NXPH1: variants seen among roughly 807,000 people sequenced by gnomAD.
NXPH1 encodes neurexophilin 1.
NXPH1 carries 5 observed loss-of-function variants against 23.7 expected under a neutral mutation model. That is an observed-to-expected ratio of 0.21 (90% CI 0.11 to 0.44). The LOEUF (loss-of-function observed/expected upper bound fraction) is 0.44. Ranked by LOEUF, NXPH1 falls within the 20% of genes least tolerant of loss-of-function variation. The pLI is 0.99. For synonymous variants in NXPH1, 144 were observed against 122.2 expected (o/e 1.18, Z -1.18); for missense variants, 324 against 321.6 (o/e 1.01, Z -0.06).
At chr7:8,549,258 G>T (rs1818242001) in intron 2 of NXPH1, among the ~76,000 whole-genome samples, 1 of 151,444 alleles carries the variant, frequency 6.6e-6, no homozygotes, top group Non-Finnish European at 1.5e-5. Context: ...AACAGGTAAT[G>T]CAATTCTCCA....
intron 2 of NXPH1, among the ~76,000 whole-genome samples, chr7:8,535,625 A>G (rs1818015090): frequency 6.6e-6 from 1 of 152,002 alleles, no homozygotes. Flanking sequence ...GAAAGATAGA[A>G]AATAAAAAAT....
chr7:8,496,241 C>T (rs1240780445), intron 2 of NXPH1, among the ~76,000 whole-genome samples: 2 of 151,950 alleles, frequency 1.3e-5, no homozygotes, highest in African/African-American at 4.8e-5. Context: ...CACACAAGAC[C>T]CCTTCACCAA....
intron 2 of NXPH1, among the ~76,000 whole-genome samples, chr7:8,744,965 C>G (rs1007436428): frequency 1.3e-5 from 2 of 152,138 alleles, no homozygotes; most frequent in Admixed American, 6.5e-5. Context: ...ATTAAACCAC[C>G]CTTTAATATC....
At chr7:8,539,663 G>T (rs1818081375) in intron 2 of NXPH1, among the ~76,000 whole-genome samples, 1 of 151,764 alleles carries the variant, frequency 6.6e-6, no homozygotes, top group Non-Finnish European at 1.5e-5. Flanking sequence ...TATTGTTAAT[G>T]CTGGAAATAA....
At chr7:8,656,688 C>A (rs2115157851) in intron 2 of NXPH1, among the ~76,000 whole-genome samples, 1 of 151,498 alleles carries the variant, frequency 6.6e-6, no homozygotes, top group Middle Eastern at 3.4e-3. Flanking sequence ...TGCTATCCCT[C>A]CCCGCTCCCC....
intron 2 of NXPH1, among the ~76,000 whole-genome samples, chr7:8,448,184 G>A (rs971407892): frequency 1.3e-5 from 2 of 152,204 alleles, no homozygotes; most frequent in Non-Finnish European, 2.9e-5. Flanking sequence ...CTTGAAAAAT[G>A]GGGCTGACAA....
At chr7:8,519,197 G>A (rs894129991) in intron 2 of NXPH1, among the ~76,000 whole-genome samples, 2 of 151,942 alleles carry the variant, frequency 1.3e-5, no homozygotes, top group African/African-American at 4.8e-5. Context: ...TACTCTATAA[G>A]GGAAGATTTC....
chr7:8,649,340 T>C (rs191991699), intron 2 of NXPH1, among the ~76,000 whole-genome samples: 6 of 152,222 alleles, frequency 3.9e-5, no homozygotes, highest in Admixed American at 3.3e-4. Flanking sequence ...GTATTCAATG[T>C]TTATTTTGTT....
intron 2 of NXPH1, among the ~76,000 whole-genome samples, chr7:8,476,637 CT>C (rs1320368182): frequency 2.6e-5 from 4 of 151,940 alleles, no homozygotes; most frequent in African/African-American, 9.7e-5. Flanking sequence ...AAATGCAATG[CT>C]ATACATTATT....
intron 2 of NXPH1, among the ~76,000 whole-genome samples, chr7:8,457,542 G>GTT (rs34212357): frequency 0.099 from 14,412 of 145,626 alleles, 2,098 homozygotes; most frequent in African/African-American, 0.32. Context: ...CTAATTCTTA[G>GTT]TTTTTTTTTT....
chr7:8,533,484 T>C (rs1198179529), intron 2 of NXPH1, among the ~76,000 whole-genome samples: 1 of 152,108 alleles, frequency 6.6e-6, no homozygotes, highest in Non-Finnish European at 1.5e-5. Flanking sequence ...AAACTTAGCA[T>C]TTTTAAAAAA....
intron 2 of NXPH1, among the ~76,000 whole-genome samples, chr7:8,731,824 G>A (rs1431167919): frequency 6.6e-6 from 1 of 152,242 alleles, no homozygotes; most frequent in East Asian, 1.9e-4. Context: ...AAGAAGTGGA[G>A]CCTACAGAGG....
intron 2 of NXPH1, among the ~76,000 whole-genome samples, chr7:8,597,890 C>T (rs1021374367): frequency 2.6e-5 from 4 of 152,074 alleles, no homozygotes; most frequent in African/African-American, 9.7e-5. Context: ...GTGGCACTAC[C>T]AAATCAGTCA....
intron 2 of NXPH1, among the ~76,000 whole-genome samples, chr7:8,731,133 CGGCTCCT>C (rs1562467897): frequency 6.6e-6 from 1 of 151,932 alleles, no homozygotes; most frequent in Non-Finnish European, 1.5e-5. Context: ...TTGATCGCAT[CGGCTCCT>C]GAGGCTTCTG....
intron 2 of NXPH1, among the ~76,000 whole-genome samples, chr7:8,679,865 A>T (rs1821024696): frequency 6.6e-6 from 1 of 152,266 alleles, no homozygotes; most frequent in Non-Finnish European, 1.5e-5. Flanking sequence ...TACTAAAAAT[A>T]CAAAAATTAG....
At chr7:8,588,581 C>A (rs981901023) in intron 2 of NXPH1, among the ~76,000 whole-genome samples, 2 of 152,088 alleles carry the variant, frequency 1.3e-5, no homozygotes, top group Non-Finnish European at 2.9e-5. Context: ...ATTTCCACAG[C>A]CCTCCAGAGA....
At chr7:8,454,021 T>G (rs961058717) in intron 2 of NXPH1, among the ~76,000 whole-genome samples, 4 of 152,122 alleles carry the variant, frequency 2.6e-5, no homozygotes, top group Non-Finnish European at 5.9e-5. Context: ...TTTGCACTCA[T>G]AAGTGCGAGC....
At chr7:8,470,309 AAT>A (rs1249943197) in intron 2 of NXPH1, among the ~76,000 whole-genome samples, 5 of 152,300 alleles carry the variant, frequency 3.3e-5, no homozygotes, top group South Asian at 2.1e-4. Flanking sequence ...AAGTGATGTT[AAT>A]ACATGTCAAC....
chr7:8,729,986 T>C (rs955902667), intron 2 of NXPH1, among the ~76,000 whole-genome samples: 1 of 151,858 alleles, frequency 6.6e-6, no homozygotes, highest in African/African-American at 2.4e-5. Context: ...AGTCTCTTTG[T>C]AGGTCACTCA....
Sources: allele counts gnomAD v4.1 joint callset (sites outside exome capture counted in the v4.1 genomes callset), GRCh38; gene constraint gnomAD v4.1.1; transcripts MANE v1.5; gene names NCBI Gene and HGNC (gene_info 2026-07-23, HGNC 2026-07-21).